The following RSPH1 variants were observed in gnomAD, a reference collection of about 807,000 sequenced individuals.
The protein encoded by RSPH1 is radial spoke head component 1.
RSPH1 carries 32 observed loss-of-function variants against 44.2 expected under a neutral mutation model. The observed-to-expected ratio is 0.72, with a 90% confidence interval of 0.55 to 0.97. The LOEUF (loss-of-function observed/expected upper bound fraction) is 0.97. RSPH1 is among the 50% of genes least tolerant of loss of function. RSPH1 has a pLI of 0.00. For missense variants in RSPH1, 391 were observed against 398.7 expected, an observed-to-expected ratio of 0.98 and a Z score of 0.16; for synonymous variants, 134 against 147.3, an observed-to-expected ratio of 0.91 and a Z score of 0.65.
intron 3 of RSPH1, among the ~76,000 whole-genome samples, chr21:42,487,069 C>T (rs1045019744): frequency 2.6e-5 from 4 of 152,232 alleles, no homozygotes; most frequent in African/African-American, 9.6e-5. Context: ...GCTCCATCCG[C>T]TGGTGCCATG....
intron 7 of RSPH1, 38 bp from the exon 8 acceptor site, chr21:42,476,085 GA>G: frequency 6.2e-7 from 1 of 1,611,250 alleles, no homozygotes. Context: ...GAGTTCCTGG[GA>G]AAAATGGAGC....
At chr21:42,477,532 G>T in intron 6 of RSPH1, 88 bp from the exon 7 acceptor site, 1 of 1,419,874 alleles carries the variant, frequency 7.0e-7, no homozygotes, top group South Asian at 1.2e-5. Context: ...GACAAGTTTT[G>T]AAAGACAGGT....
Position 42,482,373 on chromosome 21 carries a change from G to A in RSPH1, c.573+264C>T, listed in dbSNP as rs571208795. ...GCTGGGATTACAGGCGTGAGCCATT[G>A]TGCCCTGCCAGGATTAGTTTCTATC... On this transcript the variant is annotated intron_variant, in intron 6 of 8. Coordinates refer to ENST00000291536, the MANE Select transcript of RSPH1 (RefSeq NM_080860.4). Among the ~76,000 whole-genome samples, 88 of 152,322 alleles carry A rather than the reference G, an allele frequency of 5.8e-4. 2 individuals carry two copies. The South Asian group carries it at 0.018, about 31-fold the overall frequency.
At position 42,474,584 on chromosome 21, in the gene RSPH1, C is replaced by T. The variant is rs1455528170; in HGVS notation, c.877+1314G>A. ...GGCACAGCTAGATGCTGCTGTAACA[C>T]TGTGCATACTCTAGCCACTCAGTCC... On this transcript the variant is annotated intron_variant, in intron 8 of 8. Coordinates refer to ENST00000291536, the MANE Select transcript of RSPH1 (RefSeq NM_080860.4). The surrounding 1 kb of genome is among the most constrained non-coding windows in gnomAD (Gnocchi z 5.2). Among the ~76,000 whole-genome samples the T allele has an allele frequency of 6.6e-6, 1 of 152,258 alleles. No homozygotes were observed. Among genetic ancestry groups the T allele is most frequent in the Non-Finnish European group, 1.5e-5 (1 of 68,048 alleles).
chr21:42,477,090 C>CCTCCACTCCACAGCCCGGGGGTGCCCT (rs2054066918), intron 7 of RSPH1, among the ~76,000 whole-genome samples: 1 of 113,612 alleles, frequency 8.8e-6, no homozygotes, highest in African/African-American at 3.4e-5. Flanking sequence ...GGGGATGCCC[C>CCTCCACTCCACAGCCCGGGGGTGCCCT]ACACCCTCTG....
chr21:42,492,844 T>C lies in RSPH1; in HGVS notation c.188A>G (p.Asn63Ser). ...RHGQGIYKFK[N>S]GARYIGEYVR... Reference sequence around the variant, plus strand: ...ATATTCTCCGATATATCGAGCACCATTTTTAAATTTGTAGATCCCCTGAAA... The same window carrying C: ...ATATTCTCCGATATATCGAGCACCACTTTTAAATTTGTAGATCCCCTGAAA... The change falls in exon 3 of 9, where the codon AAT (asparagine) becomes AGT (serine). Residue 63 changes from asparagine (N) to serine (S), a missense_variant. By Grantham distance (46) the Asn-to-Ser change is conservative. Transcript: ENST00000291536. 2 of 1,612,804 alleles carry C rather than the reference T, an allele frequency of 1.2e-6. No homozygotes were observed. Among genetic ancestry groups the C allele is most frequent in the Non-Finnish European group, 1.7e-6 (2 of 1,178,802 alleles).
intron 1 of RSPH1, among the ~76,000 whole-genome samples, chr21:42,494,041 G>C (rs2054262532): frequency 6.6e-6 from 1 of 152,210 alleles, no homozygotes; most frequent in Non-Finnish European, 1.5e-5. Context: ...CACCATGCCT[G>C]CTCAATTATG....
rs149961675 is a variant in RSPH1 at position 42,483,453 on chromosome 21, T to C, written c.502-745A>G. 3.1e-3 allele frequency among the ~76,000 whole-genome samples: 410 copies of C among 131,086 alleles called. 3 individuals are homozygous for C. The highest frequency in any genetic ancestry group is 9.7e-3 in the African/African-American group (392 of 40,384). 86.0% of individuals were successfully genotyped at this position (131,086 alleles called of 152,430 possible). ...ATTTTAGGAGTGTAAAAATGGTCTA[T>C]TTTTACATGTTTTTTTATATAAAAC... On this transcript the variant is annotated intron_variant, in intron 5 of 8. Coordinates refer to ENST00000291536, the MANE Select transcript of RSPH1 (RefSeq NM_080860.4).
chr21:42,472,754 G>T lies in RSPH1; in HGVS notation c.*64C>A. On this transcript the variant is annotated 3_prime_UTR_variant, in exon 9 of 9. Coordinates refer to ENST00000291536, the MANE Select transcript of RSPH1 (RefSeq NM_080860.4). ...AAGTAGCTGGAACTAGATACACACA[G>T]CACTGCACCCGGCTAACGACAGAAG... 1 of 1,264,862 alleles carries T rather than the reference G, an allele frequency of 7.9e-7. No individual in the cohort carries two copies. The highest frequency in any genetic ancestry group is 1.1e-6 in the Non-Finnish European group (1 of 869,576). The allele number at this position is 1,264,862 out of a possible 1,614,324, so 78.4% of individuals were successfully genotyped here. A position where few individuals can be genotyped will look rare whatever the true frequency, so the allele number is the denominator to read the frequency against.
At chr21:42,480,529 A>C (rs2054115264) in intron 6 of RSPH1, among the ~76,000 whole-genome samples, 2 of 150,678 alleles carry the variant, frequency 1.3e-5, no homozygotes, top group African/African-American at 4.9e-5. Flanking sequence ...AATCCCAGCT[A>C]CTCGGGAGGC....
chr21:42,486,455 C>T lies in RSPH1; in HGVS notation c.281G>A (p.Trp94Ter), dbSNP rs587777635. The change falls in exon 4 of 9, where the codon TGG becomes TAG. Residue 94 changes from tryptophan to a stop codon, truncating the protein, a stop_gained. Coordinates refer to ENST00000291536, the MANE Select transcript of RSPH1 (RefSeq NM_080860.4). LOFTEE classifies it high-confidence loss of function. Reference sequence around the variant, plus strand: ...ATGGCCGTGCCGCAGGTCATTTGCCCACTCTCCTGAAAGGAACAACACAAA... The same window carrying T: ...ATGGCCGTGCCGCAGGTCATTTGCCTACTCTCCTGAAAGGAACAACACAAA... ...YPDGSRYEGE[W>*]ANDLRHGHGV... is the part of the protein sequence containing the mutation. The T allele has an allele frequency of 1.9e-6, 3 of 1,613,336 alleles. No individual in the cohort carries two copies. The highest frequency in any genetic ancestry group is 2.5e-6 in the Non-Finnish European group (3 of 1,179,256).
chr21:42,472,738 G>A lies in RSPH1; in HGVS notation c.*80C>T. ...CCTGCCTCAGCCTCTCAAGTAGCTG[G>A]AACTAGATACACACAGCACTGCACC... is the stretch of plus-strand genomic sequence containing the variant. On this transcript the variant is annotated 3_prime_UTR_variant, in exon 9 of 9. Transcript: ENST00000291536. The A allele has an allele frequency of 9.2e-7, 1 of 1,087,184 alleles. No individual in the cohort carries two copies. Among genetic ancestry groups the A allele is most frequent in the East Asian group, 2.5e-5 (1 of 40,228 alleles). The allele number at this position is 1,087,184 out of a possible 1,614,324, so 67.3% of individuals were successfully genotyped here. A position where few individuals can be genotyped will look rare whatever the true frequency, so the allele number is the denominator to read the frequency against.
At chr21:42,485,573 C>T (rs759965255) in intron 5 of RSPH1, 96 bp downstream of exon 5, 459 of 1,447,972 alleles carry the variant, frequency 3.2e-4, no homozygotes, top group Non-Finnish European at 4.2e-4. Context: ...TCAGTTTTCT[C>T]TGAGTTTTTG....
At chr21:42,494,934 A>G (rs1313272401) in intron 1 of RSPH1, among the ~76,000 whole-genome samples, 1 of 152,174 alleles carries the variant, frequency 6.6e-6, no homozygotes, top group Non-Finnish European at 1.5e-5. Flanking sequence ...TCCTGAGCTC[A>G]GGCAATCTGC....
chr21:42,485,420 C>T (rs1239967011), intron 5 of RSPH1: 2 of 530,650 alleles, frequency 3.8e-6, no homozygotes, highest in Non-Finnish European at 6.8e-6. Context: ...GCAACAGGTC[C>T]CCGCTGAAAG....
Position 42,484,646 on chromosome 21 carries a change from C to G in RSPH1, c.501+1023G>C, listed in dbSNP as rs558439192. ...TATTTGTATAATTTAAAGTTTTTTACTAACTAGCAAAACAAAGCCTCCATT... is the reference window on the plus strand; with the variant it reads ...TATTTGTATAATTTAAAGTTTTTTAGTAACTAGCAAAACAAAGCCTCCATT... On this transcript the variant is annotated intron_variant, in intron 5 of 8. Transcript: ENST00000291536. 3 of 152,250 alleles carry G rather than the reference C, an allele frequency of 2.0e-5. No homozygotes were observed. In the East Asian group the frequency reaches 5.8e-4, roughly 29 times the overall value. The allele number at this position is 152,250 out of a possible 1,614,324, so 9.4% of individuals were successfully genotyped here. A position where few individuals can be genotyped will look rare whatever the true frequency, so the allele number is the denominator to read the frequency against.
chr21:42,494,124 T>C (rs1233859898), intron 1 of RSPH1, among the ~76,000 whole-genome samples: 2 of 152,228 alleles, frequency 1.3e-5, no homozygotes, highest in Non-Finnish European at 2.9e-5. Flanking sequence ...AGAAAATAAA[T>C]GTTCCTTAGC....
chr21:42,477,481 T>G, intron 6 of RSPH1, 37 bp from the exon 7 acceptor site: 2 of 1,602,958 alleles, frequency 1.2e-6, no homozygotes, highest in South Asian at 1.1e-5. Context: ...TACCAACATT[T>G]GTGTCATCTT....
chr21:42,483,458 A>G (rs1054072575), intron 5 of RSPH1, among the ~76,000 whole-genome samples: 1 of 131,414 alleles, frequency 7.6e-6, no homozygotes, highest in Non-Finnish European at 1.8e-5. Flanking sequence ...GTCTATTTTT[A>G]CATGTTTTTT....
Sources: allele counts gnomAD v4.1 joint callset (sites outside exome capture counted in the v4.1 genomes callset), GRCh38; gene constraint gnomAD v4.1.1; non-coding constraint Gnocchi (gnomAD v3.1); transcripts MANE v1.5; gene names NCBI Gene and HGNC (gene_info 2026-07-23, HGNC 2026-07-21).